The following NOSTRIN variants were observed in gnomAD, a reference collection of about 807,000 sequenced individuals.
The protein encoded by NOSTRIN is nitric oxide synthase trafficking, also known as BM247 homolog.
NOSTRIN carries 63 observed loss-of-function variants against 59.0 expected under a neutral mutation model. That is an observed-to-expected ratio of 1.07 (90% CI 0.87 to 1.32). NOSTRIN has a LOEUF of 1.32. NOSTRIN is among the 40% of genes most tolerant of loss of function. NOSTRIN has a pLI of 0.00. For missense variants in NOSTRIN, 512 were observed against 473.1 expected, an observed-to-expected ratio of 1.08 and a Z score of -0.76; for synonymous variants, 200 against 165.4, an observed-to-expected ratio of 1.21 and a Z score of -1.61.
At chr2:168,824,055 A>G (rs1686914919) in intron 2 of NOSTRIN, among the ~76,000 whole-genome samples, 1 of 152,232 alleles carries the variant, frequency 6.6e-6, no homozygotes, top group Non-Finnish European at 1.5e-5. Context: ...AGCCTGGGCA[A>G]CAAGAGGGAA....
upstream of NOSTRIN, among the ~76,000 whole-genome samples, chr2:168,794,453 A>G (rs897166857): frequency 6.6e-5 from 10 of 150,590 alleles, no homozygotes; most frequent in Non-Finnish European, 1.3e-4. Context: ...CCAGGTTCGC[A>G]CCATTCTCCT....
chr2:168,807,515 G>A (rs1416502683), intron 1 of NOSTRIN, among the ~76,000 whole-genome samples: 1 of 152,096 alleles, frequency 6.6e-6, no homozygotes, highest in Non-Finnish European at 1.5e-5. Context: ...GGAATTTTTG[G>A]CGTATAGTAT....
In NOSTRIN at chr2:168,839,540, A is replaced by G. The variant is rs565980196; in HGVS notation, c.505-3452A>G. ...TGAATGCGATGTTTGTTCCAAGAGC[A>G]AAAAAAGGGACGAAAGGAAAAGAAG... On this transcript the variant is annotated intron_variant, in intron 7 of 15. Coordinates refer to ENST00000317647, the MANE Select transcript of NOSTRIN (RefSeq NM_001039724.4). Among the ~76,000 whole-genome samples, 4 of 152,258 alleles carry G rather than the reference A, an allele frequency of 2.6e-5. No individual in the cohort carries two copies. In the South Asian group the frequency reaches 8.3e-4, roughly 32 times the overall value.
chr2:168,841,865 CAAAA>C (rs1688128226), intron 7 of NOSTRIN, among the ~76,000 whole-genome samples: 1 of 152,156 alleles, frequency 6.6e-6, no homozygotes, highest in Non-Finnish European at 1.5e-5. Context: ...TTAGGTTTAA[CAAAA>C]TACGGACATC....
intron 8 of NOSTRIN, among the ~76,000 whole-genome samples, chr2:168,845,778 GT>G (rs1170824359): frequency 2.5e-4 from 32 of 127,380 alleles, no homozygotes; most frequent in African/African-American, 9.3e-4. Context: ...CCTAGTTTTA[GT>G]TTTTTTCTTC....
chr2:168,856,102 A>G (rs906138284), intron 11 of NOSTRIN: 1 of 219,314 alleles, frequency 4.6e-6, no homozygotes, highest in Admixed American at 5.5e-5. Flanking sequence ...ACTGTTAGCA[A>G]TTGCTAGAAT....
chr2:168,812,988 T>G (rs1307823580), intron 2 of NOSTRIN, among the ~76,000 whole-genome samples: 1 of 150,468 alleles, frequency 6.6e-6, no homozygotes, highest in Non-Finnish European at 1.5e-5. Context: ...CAAAACCAGA[T>G]TTATCAAAAG....
chr2:168,830,557 C>A (rs551484738), intron 5 of NOSTRIN, among the ~76,000 whole-genome samples: 3 of 152,168 alleles, frequency 2.0e-5, no homozygotes, highest in Admixed American at 2.0e-4. Context: ...GGTTGAATAA[C>A]GGCTGATCTG....
Position 168,843,130 on chromosome 2 carries a change from T to C in NOSTRIN, c.630+13T>C, listed in dbSNP as rs768258322. The C allele has an allele frequency of 9.3e-6, 8 of 860,464 alleles. No individual in the cohort carries two copies. The highest frequency in any genetic ancestry group is 1.6e-5 in the Non-Finnish European group (8 of 496,546). 53.3% of individuals were successfully genotyped at this position (860,464 alleles called of 1,614,324 possible). On this transcript the variant is annotated intron_variant, in intron 8 of 15. Transcript: ENST00000317647. Reference sequence around the variant, plus strand: ...GAACTGCTACCAGGTAAGTTATATATTCACATTTTTTTCTTCTTCTGTGGA... The same window carrying C: ...GAACTGCTACCAGGTAAGTTATATACTCACATTTTTTTCTTCTTCTGTGGA...
At chr2:168,860,682 GAAAA>G (rs1220594368) in intron 13 of NOSTRIN, 109 bp from the exon 14 acceptor site, 2 of 629,886 alleles carry the variant, frequency 3.2e-6, no homozygotes, top group Admixed American at 6.0e-5. Flanking sequence ...AAAAAAAAAA[GAAAA>G]AACAAACAGA....
chr2:168,840,529 C>CAAAAAAAAAAAAAAAA (rs59235003), intron 7 of NOSTRIN, among the ~76,000 whole-genome samples: 1 of 99,324 alleles, frequency 1.0e-5, no homozygotes, highest in Non-Finnish European at 2.0e-5. Flanking sequence ...GACTCCATCT[C>CAAAAAAAAAAAAAAAA]AAAAAAAAAA....
intron 2 of NOSTRIN, among the ~76,000 whole-genome samples, chr2:168,790,993 A>T (rs6722325): frequency 0.62 from 94,603 of 151,546 alleles, 29,848 homozygotes; most frequent in African/African-American, 0.71. Flanking sequence ...TTCTTTTTTT[A>T]AATTTTATTA....
At chr2:168,816,981 A>G (rs1420008180) in intron 2 of NOSTRIN, among the ~76,000 whole-genome samples, 2 of 152,226 alleles carry the variant, frequency 1.3e-5, no homozygotes, top group African/African-American at 4.8e-5. Flanking sequence ...TATGTAGCAT[A>G]TTATTTTGAA....
At chr2:168,848,689 A>C (rs919436424) in intron 8 of NOSTRIN, among the ~76,000 whole-genome samples, 1 of 152,238 alleles carries the variant, frequency 6.6e-6, no homozygotes, top group African/African-American at 2.4e-5. Flanking sequence ...CAGATGCAAA[A>C]GAACAAGTAG....
chr2:168,864,204 G>GTAATCTGCC (rs1334487162), intron 15 of NOSTRIN, among the ~76,000 whole-genome samples: 2 of 151,834 alleles, frequency 1.3e-5, no homozygotes, highest in African/African-American at 2.4e-5. Context: ...TTGACCTCAA[G>GTAATCTGCC]TAATCTGCCT....
intron 13 of NOSTRIN, among the ~76,000 whole-genome samples, chr2:168,860,498 C>G (rs910386853): frequency 6.6e-6 from 1 of 152,082 alleles, no homozygotes; most frequent in South Asian, 2.1e-4. Flanking sequence ...CGGTGAAACC[C>G]CGTCTCTACT....
At chr2:168,792,319 GA>G (rs1237283712) in intron 2 of NOSTRIN, among the ~76,000 whole-genome samples, 3 of 152,046 alleles carry the variant, frequency 2.0e-5, no homozygotes, top group Non-Finnish European at 2.9e-5. Flanking sequence ...TTTAGTGAAA[GA>G]AAAAAATGCA....
intron 1 of NOSTRIN, among the ~76,000 whole-genome samples, chr2:168,810,823 T>A (rs992233622): frequency 2.0e-5 from 3 of 152,220 alleles, no homozygotes; most frequent in Admixed American, 6.5e-5. Context: ...AATTGACATT[T>A]AGCTTCTCTG....
chr2:168,843,161 G>C (rs1247982084), intron 8 of NOSTRIN, 44 bp downstream of exon 8: 2 of 842,638 alleles, frequency 2.4e-6, no homozygotes, highest in Non-Finnish European at 4.1e-6. Flanking sequence ...GTGGAGCTTT[G>C]TGTGACCTTG....
Sources: allele counts gnomAD v4.1 joint callset (sites outside exome capture counted in the v4.1 genomes callset), GRCh38; gene constraint gnomAD v4.1.1; transcripts MANE v1.5; gene names NCBI Gene and HGNC (gene_info 2026-07-23, HGNC 2026-07-21).